MLLT3: variants seen among roughly 807,000 people sequenced by gnomAD.
MLLT3 encodes the protein MLLT3 super elongation complex subunit, also known as protein AF-9.
Under a neutral mutation model 53.2 loss-of-function variants are expected in MLLT3, and 4 were observed. The observed-to-expected ratio is 0.08, with a 90% CI of 0.04 to 0.17. MLLT3 has a LOEUF of 0.17. Ranked by LOEUF, MLLT3 falls within the 10% of genes least tolerant of loss-of-function variation. MLLT3 has a pLI of 1.00. For missense variants in MLLT3, 569 were observed against 684.0 expected (o/e 0.83, Z 1.87); for synonymous variants, 283 against 230.6 (o/e 1.23, Z -2.06).
At chr9:20,557,672 G>T (rs189022519) in intron 2 of MLLT3, among the ~76,000 whole-genome samples, 59 of 152,262 alleles carry the variant, frequency 3.9e-4, no homozygotes, top group Middle Eastern at 3.4e-3. Context: ...CCTAGAGAAA[G>T]GCACTAGTGA....
intron 8 of MLLT3, 82 bp downstream of exon 8, chr9:20,360,660 G>C: frequency 8.6e-7 from 1 of 1,160,452 alleles, no homozygotes; most frequent in East Asian, 2.4e-5. Flanking sequence ...TTAAAATTCA[G>C]GGATGAAAGT....
At chr9:20,508,057 A>G (rs895210743) in intron 2 of MLLT3, among the ~76,000 whole-genome samples, 1 of 152,218 alleles carries the variant, frequency 6.6e-6, no homozygotes, top group African/African-American at 2.4e-5. Context: ...GAGAGGTTCT[A>G]TTTCAATGCA....
rs183455572 is a variant in MLLT3 at position 20,622,029 on chromosome 9, G to T, written c.12+216C>A. ...GGTGGAGGGGCGAGTGTGAGCGTGT[G>T]TGAGTGTGTGTGTGTCTGTGTGTCT... On this transcript the variant is annotated intron_variant, in intron 1 of 10. Transcript: ENST00000380338. The T allele has an allele frequency of 8.2e-6, 7 of 850,294 alleles. No homozygotes were observed. In the African/African-American group the frequency reaches 1.4e-4, roughly 16 times the overall value. 52.7% of individuals were successfully genotyped at this position (850,294 alleles called of 1,614,324 possible).
chr9:20,532,005 G>T (rs928859053), intron 2 of MLLT3, among the ~76,000 whole-genome samples: 2 of 151,954 alleles, frequency 1.3e-5, no homozygotes, highest in African/African-American at 4.8e-5. Context: ...CTTAGTGACA[G>T]ACAGCACTAT....
intron 5 of MLLT3, among the ~76,000 whole-genome samples, chr9:20,391,075 G>A (rs1235048522): frequency 6.6e-6 from 1 of 152,198 alleles, no homozygotes; most frequent in African/African-American, 2.4e-5. Context: ...ACTGCCACCA[G>A]ATCAAGATAC....
Position 20,372,109 on chromosome 9 carries a change from A to C in MLLT3, c.1126-6365T>G, listed in dbSNP as rs542873162. Among the ~76,000 whole-genome samples, 32 of 152,312 alleles carry C rather than the reference A, an allele frequency of 2.1e-4. 1 individual carries two copies. In the South Asian group the frequency reaches 6.2e-3, roughly 30 times the overall value. On this transcript the variant is annotated intron_variant, in intron 5 of 10. Coordinates refer to ENST00000380338, the MANE Select transcript of MLLT3 (RefSeq NM_004529.4). ...TCTGAAGATGTGACTGAATTTTTGCAATCTCATAAAATTTGAATGGATGAG... is the reference window on the plus strand; with the variant it reads ...TCTGAAGATGTGACTGAATTTTTGCCATCTCATAAAATTTGAATGGATGAG...
chr9:20,379,432 A>C (rs549628499), intron 5 of MLLT3, among the ~76,000 whole-genome samples: 1 of 151,738 alleles, frequency 6.6e-6, no homozygotes, highest in African/African-American at 2.4e-5. Context: ...AACAATTGGA[A>C]TTTAGAATAA....
At chr9:20,523,799 T>C (rs1376008360) in intron 2 of MLLT3, among the ~76,000 whole-genome samples, 1 of 151,938 alleles carries the variant, frequency 6.6e-6, no homozygotes, top group African/African-American at 2.4e-5. Context: ...AGAAACCCCA[T>C]CTCTACAAAA....
At chr9:20,497,713 A>C (rs1292540545) in intron 2 of MLLT3, among the ~76,000 whole-genome samples, 1 of 152,144 alleles carries the variant, frequency 6.6e-6, no homozygotes, top group African/African-American at 2.4e-5. Flanking sequence ...GTTGGTGGAC[A>C]TCTGGGTGTC....
At chr9:20,603,917 C>A (rs1207145286) in intron 2 of MLLT3, among the ~76,000 whole-genome samples, 2 of 152,002 alleles carry the variant, frequency 1.3e-5, no homozygotes, top group East Asian at 3.8e-4. Flanking sequence ...AAAATCTTAA[C>A]CCTGGTAATT....
chr9:20,374,953 G>C (rs965120120), intron 5 of MLLT3, among the ~76,000 whole-genome samples: 11 of 152,288 alleles, frequency 7.2e-5, no homozygotes, highest in African/African-American at 2.4e-4. Flanking sequence ...CCTCTTGATG[G>C]AATTGGTATC....
At chr9:20,569,921 T>A (rs1819485553) in intron 2 of MLLT3, among the ~76,000 whole-genome samples, 1 of 152,120 alleles carries the variant, frequency 6.6e-6, no homozygotes, top group Non-Finnish European at 1.5e-5. Context: ...TCTCCTCCAA[T>A]AACCCTAGCA....
chr9:20,533,998 T>G lies in MLLT3; in HGVS notation c.194-77212A>C, dbSNP rs80207091. On this transcript the variant is annotated intron_variant, in intron 2 of 10. Transcript: ENST00000380338. ...GATGGTGATGGATATGTGAATTAAT[T>G]TGTGGTAGTCATGGCACAATGTACA... Among the ~76,000 whole-genome samples the G allele has an allele frequency of 2.6e-3, 400 of 152,314 alleles. 2 individuals are homozygous for G. The highest frequency in any genetic ancestry group is 8.7e-3 in the African/African-American group (363 of 41,562).
chr9:20,388,826 T>G (rs897078051), intron 5 of MLLT3, among the ~76,000 whole-genome samples: 2 of 152,112 alleles, frequency 1.3e-5, no homozygotes, highest in African/African-American at 4.8e-5. Flanking sequence ...TTTTTGTGTG[T>G]GGTGAAAATA....
chr9:20,615,844 T>C (rs1018469613), intron 2 of MLLT3, among the ~76,000 whole-genome samples: 4 of 147,366 alleles, frequency 2.7e-5, no homozygotes, highest in South Asian at 2.1e-4. Flanking sequence ...TAAGAGGACC[T>C]AGTTGTCTTC....
intron 2 of MLLT3, among the ~76,000 whole-genome samples, chr9:20,588,749 C>A (rs1312056932): frequency 6.6e-6 from 1 of 152,098 alleles, no homozygotes; most frequent in African/African-American, 2.4e-5. Flanking sequence ...TGGGCTGAGA[C>A]AATGGGGTTT....
At chr9:20,474,058 A>T (rs1824461650) in intron 2 of MLLT3, among the ~76,000 whole-genome samples, 1 of 152,012 alleles carries the variant, frequency 6.6e-6, no homozygotes, top group Admixed American at 6.6e-5. Context: ...CAGGACACTG[A>T]CCTTGCTGCA....
intron 2 of MLLT3, among the ~76,000 whole-genome samples, chr9:20,614,367 C>A (rs1820772340): frequency 7.4e-6 from 1 of 135,836 alleles, no homozygotes; most frequent in East Asian, 2.6e-4. Flanking sequence ...GCACTCCAGC[C>A]TGGGTGACAA....
intron 2 of MLLT3, among the ~76,000 whole-genome samples, chr9:20,498,640 T>A (rs1825142687): frequency 6.6e-6 from 1 of 152,166 alleles, no homozygotes; most frequent in South Asian, 2.1e-4. Flanking sequence ...TGTGTGTGAT[T>A]TGTATTTTTT....
Sources: gnomAD v4.1 joint callset for allele counts (sites outside exome capture counted in the v4.1 genomes callset) on GRCh38, gnomAD v4.1.1 for gene constraint, MANE v1.5 for transcripts, NCBI Gene and HGNC (gene_info 2026-07-23, HGNC 2026-07-21) for gene names.